The following C19orf38 variants were observed in gnomAD, a reference collection of about 807,000 sequenced individuals.
C19orf38 encodes the protein chromosome 19 open reading frame 38.
A neutral mutation model predicts 26.6 loss-of-function variants in C19orf38; 14 were observed. The observed-to-expected ratio is 0.53, with a 90% CI of 0.35 to 0.82. The LOEUF (loss-of-function observed/expected upper bound fraction) is 0.82, where lower values mean the gene tolerates loss of function less well. Among genes scored for constraint, C19orf38 ranks in the 40% least tolerant of loss-of-function variants. The pLI is 0.01. For missense variants in C19orf38, 261 were observed against 299.5 expected, an observed-to-expected ratio of 0.87 and a Z score of 0.95; for synonymous variants, 132 against 128.5, an observed-to-expected ratio of 1.03 and a Z score of -0.18.
intron 2 of C19orf38, among the ~76,000 whole-genome samples, chr19:10,853,559 T>C (rs1214572033): frequency 6.6e-6 from 1 of 151,124 alleles, no homozygotes; most frequent in Non-Finnish European, 1.5e-5. Context: ...GTGCTGGAAT[T>C]ACAGGCGTGA....
chr19:10,860,840 CAAAAA>C (rs60601259), intron 5 of C19orf38, among the ~76,000 whole-genome samples: 1 of 42,646 alleles, frequency 2.3e-5, no homozygotes. Flanking sequence ...GACTCCATCT[CAAAAA>C]AAAAAAAAAA....
Position 10,854,372 on chromosome 19 carries a change from CTT to C in C19orf38, c.341-1890_341-1889del, listed in dbSNP as rs367897033. Among the ~76,000 whole-genome samples, 35 of 152,206 alleles carry C rather than the reference CTT, an allele frequency of 2.3e-4. 1 individual carries two copies. The highest frequency in any genetic ancestry group is 7.7e-4 in the African/African-American group (32 of 41,538). On this transcript the variant is annotated intron_variant, in intron 2 of 6. Transcript: ENST00000397820. ...AGCCACCGCGCCTGGCCCAAAAAAA[CTT>C]TTAAAAAGAACTTTTTCACTGCAAA... is the stretch of plus-strand genomic sequence containing the variant.
upstream of C19orf38, among the ~76,000 whole-genome samples, chr19:10,846,354 A>G (rs961511559): frequency 6.6e-6 from 1 of 151,314 alleles, no homozygotes; most frequent in African/African-American, 2.4e-5. Context: ...CCACTACCAC[A>G]TCTGGCTAAT....
intron 1 of C19orf38, among the ~76,000 whole-genome samples, chr19:10,838,513 C>T (rs765584388): frequency 3.7e-4 from 56 of 152,278 alleles, no homozygotes; most frequent in Middle Eastern, 3.4e-3. Context: ...ACATTTTCAT[C>T]GGCTCAGTAA....
intron 1 of C19orf38, among the ~76,000 whole-genome samples, chr19:10,843,254 A>C (rs1231528033): frequency 6.6e-6 from 1 of 152,240 alleles, no homozygotes; most frequent in African/African-American, 2.4e-5. Flanking sequence ...AAAGCACGCC[A>C]AATAGAAGAC....
At chr19:10,850,771 C>T (rs765060312) in intron 2 of C19orf38, among the ~76,000 whole-genome samples, 11 of 152,134 alleles carry the variant, frequency 7.2e-5, no homozygotes, top group Non-Finnish European at 1.2e-4. Context: ...CTCACAGGGC[C>T]GACTTCAGGT....
chr19:10,856,871 G>A (rs558895050), intron 3 of C19orf38, among the ~76,000 whole-genome samples: 7 of 151,184 alleles, frequency 4.6e-5, no homozygotes, highest in South Asian at 2.1e-4. Flanking sequence ...ATCATAGCTC[G>A]CTGCATCCTT....
chr19:10,859,267 T>C (rs1260819174), intron 4 of C19orf38, among the ~76,000 whole-genome samples: 1 of 139,318 alleles, frequency 7.2e-6, no homozygotes, highest in East Asian at 2.2e-4. Flanking sequence ...TGTGTGTGTG[T>C]GTGTGTGTGT....
rs73009507 is a variant in C19orf38, at chr19:10,850,348, C to A, written c.121C>A (p.Pro41Thr). Reference sequence around the variant, plus strand: ...CCCCATCCACATCGCATGCATGGCCCCTGGGAACTTCCCGGGGGCGAATTT... The same window carrying A: ...CCCCATCCACATCGCATGCATGGCCACTGGGAACTTCCCGGGGGCGAATTT... Reference protein sequence around the residue: ...EDPIHIACMAPGNFPGANFTL... With the variant: ...EDPIHIACMATGNFPGANFTL... The change falls in exon 2 of 7, where the codon CCT becomes ACT. Residue 41 changes from proline (P) to threonine (T), a missense_variant. By Grantham distance (38) the Pro-to-Thr change is conservative. Transcript: ENST00000397820. 32 of 1,551,118 alleles carry A rather than the reference C, an allele frequency of 2.1e-5. No homozygotes were observed. The highest frequency in any genetic ancestry group is 2.4e-5 in the Non-Finnish European group (28 of 1,146,858).
intron 5 of C19orf38, among the ~76,000 whole-genome samples, chr19:10,861,420 C>T (rs933212846): frequency 6.6e-6 from 1 of 152,194 alleles, no homozygotes; most frequent in Admixed American, 6.5e-5. Context: ...AACACACACA[C>T]TTATTGAGCA....
intron 5 of C19orf38, among the ~76,000 whole-genome samples, chr19:10,860,873 G>A (rs1357181566): frequency 3.4e-5 from 5 of 147,100 alleles, no homozygotes; most frequent in African/African-American, 5.0e-5. Context: ...GGCCAGGCAC[G>A]GTGGCTCACG....
intron 1 of C19orf38, among the ~76,000 whole-genome samples, chr19:10,837,570 G>A (rs1209649599): frequency 2.3e-5 from 3 of 132,292 alleles, no homozygotes; most frequent in Admixed American, 1.7e-4. Context: ...GCAGTGGCGC[G>A]ATCTCGACTC....
At chr19:10,857,325 C>T (rs1294237524) in intron 3 of C19orf38, among the ~76,000 whole-genome samples, 4 of 110,718 alleles carry the variant, frequency 3.6e-5, no homozygotes, top group African/African-American at 1.6e-4. Context: ...TATACATACA[C>T]ACACACACAC....
At chr19:10,837,622 C>G (rs779260821) in intron 1 of C19orf38, among the ~76,000 whole-genome samples, 4 of 150,266 alleles carry the variant, frequency 2.7e-5, no homozygotes, top group Non-Finnish European at 5.9e-5. Flanking sequence ...ATCCTCCTGC[C>G]TCAGCCTTCC....
chr19:10,837,632 C>T (rs1188520008), intron 1 of C19orf38, among the ~76,000 whole-genome samples: 4 of 150,268 alleles, frequency 2.7e-5, no homozygotes, highest in Admixed American at 6.7e-5. Flanking sequence ...CTCAGCCTTC[C>T]GAGTAGCTGA....
chr19:10,857,111 AT>A (rs1454383571), intron 3 of C19orf38, among the ~76,000 whole-genome samples: 1 of 150,760 alleles, frequency 6.6e-6, no homozygotes, highest in Admixed American at 6.6e-5. Context: ...TTTAAAAAAT[AT>A]TTTTTGTTGA....
intron 1 of C19orf38, among the ~76,000 whole-genome samples, chr19:10,842,842 C>G (rs1420130688): frequency 6.6e-6 from 1 of 152,218 alleles, no homozygotes; most frequent in Non-Finnish European, 1.5e-5. Context: ...GGCAGTGCCC[C>G]CTACCACCCG....
At position 10,859,921 on chromosome 19, in the gene C19orf38, A is replaced by T; in HGVS notation, c.468A>T (p.Arg156=). 6.4e-7 allele frequency: 1 copy of T among 1,551,818 alleles called. No homozygotes were observed. Among genetic ancestry groups the T allele is most frequent in the South Asian group, 1.2e-5 (1 of 84,052 alleles). Reference sequence around the variant, plus strand: ...CTCCTGAATTCCTTTGCAGAGATCGAGAATCCTGCTGGGCCCAGATTAACT... The same window carrying T: ...CTCCTGAATTCCTTTGCAGAGATCGTGAATCCTGCTGGGCCCAGATTAACT... ...KLRNLQKKRD[R]ESCWAQINFD... is the part of the protein sequence containing the mutation. Residue 156 remains arginine (R), a synonymous_variant, in exon 5 of 7, where the codon CGA becomes CGT. Coordinates refer to ENST00000397820, the MANE Select transcript of C19orf38 (RefSeq NM_001136482.3).
intron 1 of C19orf38, chr19:10,842,205 A>G (rs2073483183): frequency 1.5e-5 from 22 of 1,451,674 alleles, no homozygotes; most frequent in Non-Finnish European, 2.1e-5. Context: ...ATGGTATGAA[A>G]ACTTTCAGTG....
Sources: gnomAD v4.1 joint callset for allele counts (sites outside exome capture counted in the v4.1 genomes callset) on GRCh38, gnomAD v4.1.1 for gene constraint, MANE v1.5 for transcripts, NCBI Gene and HGNC (gene_info 2026-07-23, HGNC 2026-07-21) for gene names.